The following TECRL variants were observed in gnomAD, a reference collection of about 807,000 sequenced individuals.
TECRL encodes trans-2,3-enoyl-CoA reductase like.
A neutral mutation model predicts 52.8 loss-of-function variants in TECRL; 63 were observed. That is an observed-to-expected ratio of 1.19 (90% confidence interval 0.97 to 1.47). The LOEUF is 1.47. TECRL is among the 40% of genes most tolerant of loss of function. The pLI is 0.00. For synonymous variants in TECRL, 164 were observed against 141.9 expected, an observed-to-expected ratio of 1.16 and a Z score of -1.10; for missense variants, 482 against 429.6, an observed-to-expected ratio of 1.12 and a Z score of -1.08.
chr4:64,276,906 T>G, downstream of TECRL: 1 of 590,668 alleles, frequency 1.7e-6, no homozygotes, highest in Non-Finnish European at 2.9e-6. Flanking sequence ...TAGTAACTCC[T>G]AAAACCTGTA....
intron 7 of TECRL, among the ~76,000 whole-genome samples, chr4:64,300,582 G>A (rs1723958943): frequency 6.6e-6 from 1 of 150,792 alleles, no homozygotes; most frequent in Non-Finnish European, 1.5e-5. Context: ...TCTAAAGGCA[G>A]GGTTGCTCAC....
At chr4:64,358,354 C>T (rs983636635) in intron 2 of TECRL, among the ~76,000 whole-genome samples, 14 of 151,762 alleles carry the variant, frequency 9.2e-5, no homozygotes, top group African/African-American at 9.6e-5. Context: ...AAATAATCAT[C>T]GTATTGCCTT....
chr4:64,312,214 A>T (rs1717066553), intron 5 of TECRL, among the ~76,000 whole-genome samples: 1 of 152,222 alleles, frequency 6.6e-6, no homozygotes, highest in African/African-American at 2.4e-5. Context: ...AATGTGTTTC[A>T]ATTGGATGTG....
intron 2 of TECRL, among the ~76,000 whole-genome samples, chr4:64,335,165 A>T (rs999584341): frequency 1.3e-5 from 2 of 152,160 alleles, no homozygotes; most frequent in African/African-American, 4.8e-5. Context: ...TGCACAGCAC[A>T]TGGTGAGTGG....
chr4:64,402,540 C>A (rs961389532), intron 1 of TECRL, among the ~76,000 whole-genome samples: 7 of 151,936 alleles, frequency 4.6e-5, no homozygotes, highest in African/African-American at 7.2e-5. Flanking sequence ...CTAAGTGGCA[C>A]ATAAAGGAGT....
At chr4:64,298,353 T>TA (rs1362203802) in intron 8 of TECRL, among the ~76,000 whole-genome samples, 9 of 151,158 alleles carry the variant, frequency 6.0e-5, no homozygotes, top group Non-Finnish European at 1.2e-4. Flanking sequence ...TATACTTGAT[T>TA]AACAAAGTGA....
intron 1 of TECRL, among the ~76,000 whole-genome samples, chr4:64,405,199 T>C (rs540774532): frequency 6.6e-6 from 1 of 152,144 alleles, no homozygotes. Context: ...CAGGAAATGT[T>C]AACAGTTAAG....
rs543284652 is a variant in TECRL, at chr4:64,405,881, G to C, written c.234+3237C>G. Among the ~76,000 whole-genome samples the C allele has an allele frequency of 3.9e-5, 6 of 152,210 alleles. No homozygotes were observed. In the South Asian group the frequency reaches 1.2e-3, roughly 32 times the overall value. On this transcript the variant is annotated intron_variant, in intron 1 of 11. Transcript: ENST00000381210. ...GTTAAGGAGGAGGCGATTAACAGTG[G>C]AAAATGTTGTTGATATACCCAGTAA...
intron 8 of TECRL, among the ~76,000 whole-genome samples, chr4:64,290,618 A>C (rs1259258117): frequency 2.0e-4 from 30 of 151,992 alleles, no homozygotes; most frequent in Admixed American, 1.9e-3. Context: ...GTTCTTTTCA[A>C]CCATTTCTGT....
intron 2 of TECRL, among the ~76,000 whole-genome samples, chr4:64,349,134 CGT>C (rs1491559222): frequency 6.5e-4 from 90 of 138,052 alleles, no homozygotes; most frequent in South Asian, 1.5e-3. Context: ...TTATAAAAAA[CGT>C]TTTTTTTTTT....
chr4:64,385,458 C>G (rs868693049), intron 1 of TECRL, among the ~76,000 whole-genome samples: 1 of 152,154 alleles, frequency 6.6e-6, no homozygotes, highest in African/African-American at 2.4e-5. Context: ...TTTGTCCTGG[C>G]AGCAGCCTCC....
chr4:64,292,592 T>G (rs770918006), intron 8 of TECRL, among the ~76,000 whole-genome samples: 3 of 152,020 alleles, frequency 2.0e-5, no homozygotes, highest in Non-Finnish European at 4.4e-5. Flanking sequence ...ACTTAATCAT[T>G]CACAATTAAA....
intron 7 of TECRL, among the ~76,000 whole-genome samples, chr4:64,304,466 C>A (rs1329434039): frequency 4.6e-5 from 7 of 151,898 alleles, no homozygotes; most frequent in Non-Finnish European, 4.4e-5. Context: ...TTTGAATATA[C>A]CATTTATTTT....
intron 2 of TECRL, among the ~76,000 whole-genome samples, chr4:64,335,660 C>T (rs1012862383): frequency 1.3e-5 from 2 of 152,108 alleles, no homozygotes; most frequent in African/African-American, 4.8e-5. Flanking sequence ...CATCAAATTC[C>T]ACTCCAAAGA....
chr4:64,331,263 G>A (rs1718620055), intron 2 of TECRL, among the ~76,000 whole-genome samples: 1 of 152,034 alleles, frequency 6.6e-6, no homozygotes, highest in Non-Finnish European at 1.5e-5. Context: ...TGCCATATTA[G>A]GTTTTGATGC....
At chr4:64,400,341 T>C (rs774475141) in intron 1 of TECRL, among the ~76,000 whole-genome samples, 1 of 152,150 alleles carries the variant, frequency 6.6e-6, no homozygotes, top group African/African-American at 2.4e-5. Flanking sequence ...CTAACTTGTT[T>C]TTGATTTTAC....
intron 1 of TECRL, among the ~76,000 whole-genome samples, chr4:64,405,503 A>T (rs1275286814): frequency 6.6e-6 from 1 of 152,088 alleles, no homozygotes; most frequent in African/African-American, 2.4e-5. Flanking sequence ...AGCTCTGTGG[A>T]AGATGTTTGG....
intron 2 of TECRL, among the ~76,000 whole-genome samples, chr4:64,361,767 G>C (rs189412180): frequency 6.6e-6 from 1 of 152,196 alleles, no homozygotes; most frequent in East Asian, 1.9e-4. Flanking sequence ...AGATGAGAAA[G>C]AACCAGTGCA....
intron 4 of TECRL, among the ~76,000 whole-genome samples, chr4:64,318,440 T>G (rs555566932): frequency 3.3e-5 from 5 of 152,152 alleles, no homozygotes; most frequent in African/African-American, 1.2e-4. Flanking sequence ...TGGTAGCTAA[T>G]TTTTCAAATT....
Sources: allele counts gnomAD v4.1 joint callset (sites outside exome capture counted in the v4.1 genomes callset), GRCh38; gene constraint gnomAD v4.1.1; transcripts MANE v1.5; gene names NCBI Gene and HGNC (gene_info 2026-07-23, HGNC 2026-07-21).